The following COL4A6 variants were observed in gnomAD, a reference collection of about 807,000 sequenced individuals.
The protein encoded by COL4A6 is collagen alpha-6(IV) chain.
In COL4A6, 59 loss-of-function variants were observed where a neutral mutation model predicts 126.7. The observed-to-expected ratio is 0.47, with a 90% confidence interval of 0.38 to 0.58. The LOEUF is 0.58. Ranked by LOEUF, COL4A6 falls within the 20% of genes least tolerant of loss-of-function variation. The pLI, the probability that COL4A6 is intolerant of heterozygous loss-of-function variation, is 0.00. For missense variants in COL4A6, 1,285 were observed against 1,337.3 expected (o/e 0.96, Z 0.61); for synonymous variants, 547 against 496.6 (o/e 1.10, Z -1.35).
chrX:108,283,588 TGG>T (rs368474918), intron 3 of COL4A6, among the ~76,000 whole-genome samples: 2 of 9,360 alleles, frequency 2.1e-4, no homozygotes, highest in Middle Eastern at 0.5. Context: ...GTTTTTTTTT[TGG>T]GGGGGGGTTG....
chrX:108,302,008 C>T (rs899975196), intron 3 of COL4A6, among the ~76,000 whole-genome samples: 19 of 111,514 alleles, frequency 1.7e-4, no homozygotes, highest in African/African-American at 3.9e-4. Context: ...CCTCTGTCTG[C>T]GGGCTCCCAG....
chrX:108,433,112 G>A (rs953261630), intron 2 of COL4A6, among the ~76,000 whole-genome samples: 2 of 111,813 alleles, frequency 1.8e-5, no homozygotes, highest in African/African-American at 6.5e-5. Flanking sequence ...TAATGCAATT[G>A]AAGAGGTTAG....
chrX:108,376,548 G>A (rs1603187679), intron 2 of COL4A6, among the ~76,000 whole-genome samples: 2 of 111,987 alleles, frequency 1.8e-5, no homozygotes, highest in Admixed American at 1.9e-4. Flanking sequence ...AGGTTGCAGT[G>A]AGCCAAGATC....
intron 5 of COL4A6, among the ~76,000 whole-genome samples, chrX:108,215,441 C>T (rs1481176542): frequency 2.7e-5 from 3 of 111,317 alleles, no homozygotes; most frequent in Non-Finnish European, 5.7e-5. Context: ...CTAAAGTTTG[C>T]AACTTTTTAT....
intron 3 of COL4A6, among the ~76,000 whole-genome samples, chrX:108,273,916 A>G (rs1392852584): frequency 8.9e-6 from 1 of 112,378 alleles, no homozygotes; most frequent in East Asian, 2.8e-4. Flanking sequence ...TTAGAGAAAG[A>G]TAGAGTATGT....
intron 37 of COL4A6, among the ~76,000 whole-genome samples, chrX:108,166,297 T>C (rs994093687): frequency 1.8e-5 from 2 of 112,758 alleles, no homozygotes; most frequent in African/African-American, 6.4e-5. Context: ...ATCAAATACA[T>C]AGATGGTAAT....
chrX:108,429,507 G>A (rs2064142943), intron 2 of COL4A6, among the ~76,000 whole-genome samples: 1 of 111,481 alleles, frequency 9.0e-6, no homozygotes, highest in South Asian at 3.8e-4. Context: ...AAATAAGTAC[G>A]AGGAAAATGA....
chrX:108,160,040 C>T (rs1428950765), intron 43 of COL4A6, among the ~76,000 whole-genome samples: 2 of 112,566 alleles, frequency 1.8e-5, no homozygotes. Context: ...AGATTTAGCA[C>T]ACCTGCAGAC....
intron 2 of COL4A6, among the ~76,000 whole-genome samples, chrX:108,425,480 T>A (rs1268594769): frequency 2.7e-5 from 3 of 110,195 alleles, no homozygotes; most frequent in African/African-American, 9.9e-5. Flanking sequence ...ATGCCTGTAA[T>A]CTCTGCACTT....
At chrX:108,388,404 G>A (rs946466521) in intron 2 of COL4A6, among the ~76,000 whole-genome samples, 8 of 111,860 alleles carry the variant, frequency 7.2e-5, no homozygotes, top group Admixed American at 3.8e-4. Context: ...CTTGTTATTC[G>A]TTTATTCAGG....
At chrX:108,230,694 C>T (rs759413334) in intron 3 of COL4A6, among the ~76,000 whole-genome samples, 15 of 112,031 alleles carry the variant, frequency 1.3e-4, no homozygotes, top group Admixed American at 1.0e-3. Context: ...CATCACAATA[C>T]ATCTGCAAGG....
intron 3 of COL4A6, among the ~76,000 whole-genome samples, chrX:108,290,623 A>T (rs1244297843): frequency 1.0e-5 from 1 of 97,666 alleles, no homozygotes; most frequent in Non-Finnish European, 2.1e-5. Context: ...TGATCTTAGA[A>T]TTGAGCCCAA....
intron 2 of COL4A6, among the ~76,000 whole-genome samples, chrX:108,418,784 CTTCT>C (rs967671331): frequency 8.9e-6 from 1 of 111,955 alleles, no homozygotes; most frequent in Non-Finnish European, 1.9e-5. Flanking sequence ...TTTGACAAGT[CTTCT>C]TTTTCTTAAT....
At chrX:108,388,675 T>C (rs1042555411) in intron 2 of COL4A6, among the ~76,000 whole-genome samples, 2 of 111,721 alleles carry the variant, frequency 1.8e-5, no homozygotes, top group South Asian at 7.6e-4. Flanking sequence ...GGCTCCTGGA[T>C]TCATTGATTT....
intron 2 of COL4A6, among the ~76,000 whole-genome samples, chrX:108,397,724 T>C (rs2040996930): frequency 1.8e-5 from 2 of 111,098 alleles, no homozygotes; most frequent in South Asian, 7.6e-4. Context: ...CTGATGCTCA[T>C]TTGCAGTTTT....
In COL4A6 at chrX:108,239,487, A is replaced by C. The variant is rs969323217; in HGVS notation, c.145-18113T>G. ...TAGCATAATGTGGTAAATTGGTAGG[A>C]CTGCTCATAGTCACCCGTGGAAGCC... On this transcript the variant is annotated intron_variant, in intron 3 of 44. Coordinates refer to ENST00000334504, the MANE Select transcript of COL4A6 (RefSeq NM_033641.4). Among the ~76,000 whole-genome samples the C allele has an allele frequency of 2.8e-4, 31 of 111,992 alleles. 1 individual carries two copies. Among genetic ancestry groups the C allele is most frequent in the African/African-American group, 1.0e-3 (31 of 30,752 alleles).
intron 3 of COL4A6, among the ~76,000 whole-genome samples, chrX:108,261,136 G>T (rs764344766): frequency 9.0e-6 from 1 of 111,397 alleles, no homozygotes; most frequent in Admixed American, 9.5e-5. Flanking sequence ...GCATGGTGCC[G>T]CCCTATATGG....
chrX:108,164,756 G>C, intron 39 of COL4A6, 58 bp from the exon 40 acceptor site: 1 of 1,183,553 alleles, frequency 8.4e-7, no homozygotes, highest in Non-Finnish European at 1.1e-6. Flanking sequence ...GGTAGGGGTG[G>C]AGGATAGGCA....
At chrX:108,172,009 AAATT>A (rs1259867428) in intron 32 of COL4A6, among the ~76,000 whole-genome samples, 1 of 111,627 alleles carries the variant, frequency 9.0e-6, no homozygotes, top group Non-Finnish European at 1.9e-5. Context: ...GGGAAAATGT[AAATT>A]AATTGACTTT....
Sources: allele counts gnomAD v4.1 joint callset (sites outside exome capture counted in the v4.1 genomes callset), GRCh38; gene constraint gnomAD v4.1.1; transcripts MANE v1.5; gene names NCBI Gene and HGNC (gene_info 2026-07-23, HGNC 2026-07-21).